SPATA6: variants seen among roughly 807,000 people sequenced by gnomAD.
SPATA6 encodes spermatogenesis-associated protein 6.
SPATA6 carries 56 observed loss-of-function variants against 65.3 expected under a neutral mutation model. That is an observed-to-expected ratio of 0.86 (90% CI 0.69 to 1.07). The LOEUF (loss-of-function observed/expected upper bound fraction) is 1.07. Ranked by LOEUF, SPATA6 falls within the 50% of genes least tolerant of loss-of-function variation. The pLI, the probability that SPATA6 is intolerant of heterozygous loss-of-function variation, is 0.00. For synonymous variants in SPATA6, 199 were observed against 213.2 expected (o/e 0.93, Z 0.58); for missense variants, 590 against 594.8 (o/e 0.99, Z 0.08).
At chr1:48,323,679 A>G (rs1029501833) in intron 11 of SPATA6, among the ~76,000 whole-genome samples, 2 of 152,086 alleles carry the variant, frequency 1.3e-5, no homozygotes, top group African/African-American at 4.8e-5. Flanking sequence ...AGGTATTACA[A>G]AAGATATGGC....
At chr1:48,336,430 C>A (rs1489160253) in intron 11 of SPATA6, among the ~76,000 whole-genome samples, 2 of 152,000 alleles carry the variant, frequency 1.3e-5, no homozygotes, top group African/African-American at 4.8e-5. Context: ...ACATACATAC[C>A]ATGGAATACT....
intron 1 of SPATA6, 127 bp downstream of exon 1, chr1:48,471,831 G>A (rs947679715): frequency 3.6e-6 from 4 of 1,119,510 alleles, no homozygotes; most frequent in Non-Finnish European, 5.2e-6. Context: ...GAAGGGGCGT[G>A]AGGTCGACGC....
chr1:48,399,546 C>T lies in SPATA6; in HGVS notation c.585G>A (p.Glu195=). The T allele has an allele frequency of 1.9e-6, 3 of 1,612,960 alleles. No individual in the cohort carries two copies. The highest frequency in any genetic ancestry group is 2.5e-6 in the Non-Finnish European group (3 of 1,179,344). The change falls in exon 7 of 13, where the codon GAG becomes GAA. Residue 195 remains glutamate, a synonymous_variant. Transcript: ENST00000371847. ...RSQKKKSKSP[E]RSKYCINAKN... ...TTGCATTTATACAGTATTTACTTCTCTCAGGTGACTTGGATTTTTTCTTTT... is the reference window on the plus strand; with the variant it reads ...TTGCATTTATACAGTATTTACTTCTTTCAGGTGACTTGGATTTTTTCTTTT...
the SPATA6 span, chr1:48,263,098 T>A: frequency 6.6e-6 from 1 of 152,016 alleles, no homozygotes; most frequent in Non-Finnish European, 1.5e-5. Context: ...GATCTGACAA[T>A]AACGTATAAG....
chr1:48,444,631 A>G (rs1655840777), intron 3 of SPATA6, among the ~76,000 whole-genome samples: 1 of 152,218 alleles, frequency 6.6e-6, no homozygotes, highest in Non-Finnish European at 1.5e-5. Context: ...GGGACAAATA[A>G]GAGAATAAAA....
intron 11 of SPATA6, among the ~76,000 whole-genome samples, chr1:48,321,409 T>C (rs1461752330): frequency 4.6e-5 from 7 of 152,078 alleles, no homozygotes; most frequent in East Asian, 1.9e-4. Context: ...GATTTCAAGA[T>C]ACAAATTATA....
At chr1:48,302,506 G>A (rs753660999) in intron 12 of SPATA6, among the ~76,000 whole-genome samples, 5 of 152,172 alleles carry the variant, frequency 3.3e-5, no homozygotes, top group East Asian at 1.9e-4. Context: ...GGGCTACCCC[G>A]GAGTTAACAT....
rs148880467 is a variant in SPATA6, at chr1:48,333,323, A to G, written c.1194+22347T>C. On this transcript the variant is annotated intron_variant, in intron 11 of 12. Coordinates refer to ENST00000371847, the MANE Select transcript of SPATA6 (RefSeq NM_019073.4). Reference sequence around the variant, plus strand: ...TTGGCTTTTGGACTCTTGGATATACACCAGTGGTTTGTCATGGGGTCTTGG... The same window carrying G: ...TTGGCTTTTGGACTCTTGGATATACGCCAGTGGTTTGTCATGGGGTCTTGG... 2.6e-5 allele frequency among the ~76,000 whole-genome samples: 4 copies of G among 152,180 alleles called. No homozygotes were observed. In the East Asian group the frequency reaches 7.7e-4, roughly 29 times the overall value.
At chr1:48,364,722 C>T (rs533308120) in intron 9 of SPATA6, among the ~76,000 whole-genome samples, 234 of 152,184 alleles carry the variant, frequency 1.5e-3, no homozygotes, top group African/African-American at 4.5e-3. Context: ...GAGTAGGTTG[C>T]GAAAATTTTC....
the SPATA6 span, among the ~76,000 whole-genome samples, chr1:48,279,601 G>C: frequency 6.6e-6 from 1 of 152,162 alleles, no homozygotes; most frequent in Non-Finnish European, 1.5e-5. Flanking sequence ...TTACATAATG[G>C]TAAAGGGATC....
At chr1:48,308,643 T>G (rs984832984) in intron 11 of SPATA6, among the ~76,000 whole-genome samples, 2 of 152,168 alleles carry the variant, frequency 1.3e-5, no homozygotes, top group African/African-American at 4.8e-5. Flanking sequence ...GATCTGCTAG[T>G]GATAAACTTG....
chr1:48,453,255 A>G, intron 1 of SPATA6, 124 bp from the exon 2 acceptor site: 4 of 1,070,448 alleles, frequency 3.7e-6, no homozygotes, highest in Non-Finnish European at 5.2e-6. Context: ...AATACTCACA[A>G]ATAAAGAGAG....
intron 3 of SPATA6, among the ~76,000 whole-genome samples, chr1:48,430,901 AAAATG>A (rs1239833559): frequency 1.3e-5 from 2 of 152,214 alleles, no homozygotes; most frequent in Non-Finnish European, 2.9e-5. Context: ...AACCAATAGC[AAAATG>A]AAATAAGTCT....
Position 48,373,029 on chromosome 1 carries a change from C to A in SPATA6, c.909+12280G>T, listed in dbSNP as rs371520659. 1.6e-4 allele frequency among the ~76,000 whole-genome samples: 24 copies of A among 152,324 alleles called. 1 individual carries two copies. Among genetic ancestry groups the A allele is most frequent in the East Asian group, 1.5e-3 (8 of 5,176 alleles). The stretch of plus-strand genomic sequence containing the variant: ...GAAGGTCTCTGACATGACCTGGAGA[C>A]ATTTTCCCTGTGGTCTTGGGGATTA... On this transcript the variant is annotated intron_variant, in intron 9 of 12. Transcript: ENST00000371847.
intron 3 of SPATA6, among the ~76,000 whole-genome samples, chr1:48,450,196 A>G (rs1017848270): frequency 6.6e-6 from 1 of 152,116 alleles, no homozygotes; most frequent in Non-Finnish European, 1.5e-5. Context: ...AGAGTATTAT[A>G]TAAGGAGAGA....
intron 11 of SPATA6, among the ~76,000 whole-genome samples, chr1:48,342,458 A>G (rs1430949328): frequency 2.6e-5 from 4 of 152,010 alleles, no homozygotes; most frequent in Admixed American, 6.6e-5. Context: ...TATTAAAAAT[A>G]CAAAATAATT....
intron 6 of SPATA6, among the ~76,000 whole-genome samples, chr1:48,402,294 G>A (rs934415983): frequency 2.0e-5 from 3 of 151,954 alleles, no homozygotes; most frequent in Non-Finnish European, 4.4e-5. Flanking sequence ...GAGAATGTAT[G>A]TACTTTTCTA....
the SPATA6 span, among the ~76,000 whole-genome samples, chr1:48,265,325 T>G: frequency 6.6e-6 from 1 of 151,572 alleles, no homozygotes; most frequent in Admixed American, 6.6e-5. Context: ...AGCTTCATTA[T>G]AAGCAAATAT....
At chr1:48,309,839 G>A (rs1645155975) in intron 11 of SPATA6, among the ~76,000 whole-genome samples, 1 of 152,176 alleles carries the variant, frequency 6.6e-6, no homozygotes, top group South Asian at 2.1e-4. Context: ...TAAACGCTTA[G>A]AACCATTAAG....
Sources: gnomAD v4.1 joint callset for allele counts (sites outside exome capture counted in the v4.1 genomes callset) on GRCh38, gnomAD v4.1.1 for gene constraint, MANE v1.5 for transcripts, NCBI Gene and HGNC (gene_info 2026-07-23, HGNC 2026-07-21) for gene names.